Variants in TRIM37 observed in about 807,000 individuals in gnomAD.
TRIM37 encodes tripartite motif containing 37.
In TRIM37, 80 loss-of-function variants were observed where a neutral mutation model predicts 129.8. The observed-to-expected ratio is 0.62, with a 90% CI of 0.51 to 0.74. The LOEUF (loss-of-function observed/expected upper bound fraction) is 0.74. Ranked by LOEUF, TRIM37 falls within the 30% of genes least tolerant of loss-of-function variation. The pLI is 0.00. For synonymous variants in TRIM37, 389 were observed against 387.1 expected (o/e 1.00, Z -0.06); for missense variants, 1,054 against 1,176.5 (o/e 0.90, Z 1.52).
rs144158098 is a variant in TRIM37 at position 59,104,517 on chromosome 17, C to T, written c.22-123G>A. ...GCTGATCTCTCAATTTTAACTATTC[C>T]ATATCAGGATTTGGTTGGTCAAGAT... On this transcript the variant is annotated intron_variant, in intron 1 of 23. Transcript: ENST00000262294. The T allele has an allele frequency of 5.8e-4, 521 of 891,412 alleles. 2 individuals carry two copies. The highest frequency in any genetic ancestry group is 4.3e-3 in the Middle Eastern group (20 of 4,670). 55.2% of individuals were successfully genotyped at this position (891,412 alleles called of 1,614,324 possible). A position where few individuals can be genotyped will look rare whatever the true frequency, so the allele number is the denominator to read the frequency against.
the TRIM37 span, chr17:58,969,659 C>G: frequency 6.2e-7 from 1 of 1,614,140 alleles, no homozygotes; most frequent in African/African-American, 1.3e-5. Flanking sequence ...CCCCCATGAT[C>G]CTGCTGAGGC....
chr17:59,017,454 T>G (rs199863654), intron 19 of TRIM37, 30 bp from the exon 20 acceptor site: 3 of 1,613,494 alleles, frequency 1.9e-6, no homozygotes, highest in Middle Eastern at 1.7e-4. Flanking sequence ...CACCTCTGAA[T>G]AGGCTACTAC....
intron 22 of TRIM37, among the ~76,000 whole-genome samples, chr17:59,005,411 G>A (rs997851041): frequency 6.6e-6 from 1 of 152,066 alleles, no homozygotes; most frequent in African/African-American, 2.4e-5. Context: ...AGCCTCCCAA[G>A]TAGCTGGGAT....
chr17:58,990,796 A>T (rs578155004), intron 24 of TRIM37, among the ~76,000 whole-genome samples: 1 of 151,056 alleles, frequency 6.6e-6, no homozygotes, highest in African/African-American at 2.4e-5. Flanking sequence ...GTCTCAAAAA[A>T]AAAAAAAAGA....
the TRIM37 span, chr17:58,969,622 C>T: frequency 3.3e-5 from 53 of 1,614,106 alleles, 1 homozygote; most frequent in South Asian, 4.9e-4. Flanking sequence ...TTCACCTCCA[C>T]GTTAACTTAG....
chr17:59,067,468 T>A (rs1347666160), intron 9 of TRIM37, among the ~76,000 whole-genome samples: 1 of 152,198 alleles, frequency 6.6e-6, no homozygotes, highest in African/African-American at 2.4e-5. Flanking sequence ...AACCTCATCA[T>A]AACTTCATCA....
intron 2 of TRIM37, among the ~76,000 whole-genome samples, chr17:59,102,362 C>T (rs2045592689): frequency 1.3e-5 from 2 of 152,208 alleles, no homozygotes; most frequent in South Asian, 4.1e-4. Context: ...ATGGGACCTT[C>T]ATCAAAAGAA....
chr17:59,005,589 T>C (rs1021383793), intron 22 of TRIM37, among the ~76,000 whole-genome samples: 1 of 152,112 alleles, frequency 6.6e-6, no homozygotes, highest in Non-Finnish European at 1.5e-5. Flanking sequence ...AGCCTACATG[T>C]GTATCTTTAA....
At chr17:59,036,237 G>A (rs181570310) in intron 17 of TRIM37, among the ~76,000 whole-genome samples, 4 of 152,172 alleles carry the variant, frequency 2.6e-5, no homozygotes, top group Admixed American at 6.5e-5. Context: ...GCAAGACTCC[G>A]TCTCTATAAA....
chr17:59,077,068 A>G (rs2042871033), intron 7 of TRIM37, among the ~76,000 whole-genome samples: 1 of 152,074 alleles, frequency 6.6e-6, no homozygotes. Context: ...GATTACAGGC[A>G]TGAGCCAAGG....
the TRIM37 span, among the ~76,000 whole-genome samples, chr17:58,976,524 T>C: frequency 5.1e-4 from 77 of 152,270 alleles, 1 homozygote; most frequent in East Asian, 0.014. Context: ...ATGATACTTA[T>C]AAAAATGAAA....
chr17:59,011,088 G>C (rs1465780111), intron 22 of TRIM37, among the ~76,000 whole-genome samples: 1 of 151,914 alleles, frequency 6.6e-6, no homozygotes, highest in East Asian at 2.0e-4. Context: ...AGAATCGCTT[G>C]AACCCGGGAG....
chr17:58,972,043 C>A, the TRIM37 span: 2 of 1,280,568 alleles, frequency 1.6e-6, no homozygotes, highest in Non-Finnish European at 2.2e-6. Context: ...TAGCTCCCAG[C>A]TGAAAAGCTT....
At chr17:59,085,380 T>A (rs1437232946) in intron 4 of TRIM37, among the ~76,000 whole-genome samples, 1 of 151,858 alleles carries the variant, frequency 6.6e-6, no homozygotes, top group Non-Finnish European at 1.5e-5. Flanking sequence ...AAATAACACC[T>A]GTAACTCAAC....
chr17:58,993,164 A>G (rs887874745), intron 24 of TRIM37, among the ~76,000 whole-genome samples: 35 of 152,200 alleles, frequency 2.3e-4, no homozygotes, highest in South Asian at 4.1e-4. Flanking sequence ...GTCTGCCACC[A>G]CATGAGATGT....
chr17:58,985,537 C>G (rs1186135355), intron 24 of TRIM37, among the ~76,000 whole-genome samples: 1 of 152,164 alleles, frequency 6.6e-6, no homozygotes, highest in African/African-American at 2.4e-5. Context: ...TTCGCTTAGC[C>G]TCTTTGAGTT....
chr17:59,096,255 T>TA (rs1225225529), intron 2 of TRIM37, among the ~76,000 whole-genome samples: 82 of 147,676 alleles, frequency 5.6e-4, no homozygotes, highest in African/African-American at 1.3e-3. Flanking sequence ...AAAGAGAGTT[T>TA]AAAAAAAAAA....
At chr17:59,021,134 G>A (rs887000740) in intron 19 of TRIM37, among the ~76,000 whole-genome samples, 8 of 152,192 alleles carry the variant, frequency 5.3e-5, no homozygotes, top group South Asian at 2.1e-4. Context: ...GCTCACGCCC[G>A]TAATCTCAGC....
downstream of TRIM37, chr17:58,981,223 T>A (rs1419932188): frequency 5.6e-6 from 3 of 540,274 alleles, no homozygotes; most frequent in African/African-American, 5.8e-5. Context: ...ATTGGCAGTT[T>A]CACTTGCAAA....
Sources: allele counts gnomAD v4.1 joint callset (sites outside exome capture counted in the v4.1 genomes callset), GRCh38; gene constraint gnomAD v4.1.1; transcripts MANE v1.5; gene names NCBI Gene and HGNC (gene_info 2026-07-23, HGNC 2026-07-21).